The following GRIP2 variants were observed in gnomAD, a reference collection of about 807,000 sequenced individuals.
GRIP2 encodes the protein glutamate receptor-interacting protein 2.
A neutral mutation model predicts 108.3 loss-of-function variants in GRIP2; 58 were observed. The observed-to-expected ratio is 0.54, with a 90% CI of 0.43 to 0.67. GRIP2 has a LOEUF of 0.67. Among genes scored for constraint, GRIP2 ranks in the 30% least tolerant of loss-of-function variants. The pLI, the probability that GRIP2 is intolerant of heterozygous loss-of-function variation, is 0.00. For synonymous variants in GRIP2, 586 were observed against 598.2 expected (o/e 0.98, Z 0.30); for missense variants, 1,278 against 1,430.6 (o/e 0.89, Z 1.72).
chr3:14,566,360 A>G, the GRIP2 span, among the ~76,000 whole-genome samples: 1 of 152,242 alleles, frequency 6.6e-6, no homozygotes. Context: ...GACAGCCCAC[A>G]AGGGCACACA....
At chr3:14,538,485 T>C (rs1376798622) in intron 1 of GRIP2, among the ~76,000 whole-genome samples, 1 of 152,206 alleles carries the variant, frequency 6.6e-6, no homozygotes, top group Non-Finnish European at 1.5e-5. Context: ...TGAAGCTCAC[T>C]AAAGTGAAGC....
chr3:14,576,918 T>C, the GRIP2 span, among the ~76,000 whole-genome samples: 2 of 152,382 alleles, frequency 1.3e-5, no homozygotes, highest in East Asian at 3.9e-4. Flanking sequence ...TCTCAAGCTT[T>C]TCCACTTTCA....
chr3:14,539,639 G>C (rs1323605299), intron 1 of GRIP2, among the ~76,000 whole-genome samples: 1 of 152,186 alleles, frequency 6.6e-6, no homozygotes, highest in Non-Finnish European at 1.5e-5. Context: ...GAGGAATAGG[G>C]TGAGCCCAGG....
chr3:14,493,680 A>G lies in GRIP2; in HGVS notation c.3117T>C (p.Ser1039=). 1 of 1,603,980 alleles carries G rather than the reference A, an allele frequency of 6.2e-7. No homozygotes were observed. The highest frequency in any genetic ancestry group is 8.5e-7 in the Non-Finnish European group (1 of 1,175,662). ...SRAPRSPGPS[S]PRML ...CATGCTGACTTCAGAGCATCCGGGG[A>G]CTGCTGGGGCCTGGCGATCGGGGGG... The change falls in exon 24 of 24, where the codon AGT becomes AGC. Residue 1039 remains serine, a synonymous_variant. Transcript: ENST00000621039.
upstream of GRIP2, among the ~76,000 whole-genome samples, chr3:14,545,339 G>C (rs1358452881): frequency 6.6e-6 from 1 of 152,252 alleles, no homozygotes; most frequent in Admixed American, 6.5e-5. Context: ...TTGAACCCAG[G>C]CCTGCCTGAC....
At position 14,521,905 on chromosome 3, in the gene GRIP2, G is replaced by T; in HGVS notation, c.567-118C>A. On this transcript the variant is annotated intron_variant, in intron 6 of 23. Transcript: ENST00000621039. This position sits in a 1 kb window ranked among gnomAD's most constrained non-coding sequence, Gnocchi z 5.1. ...AAGAAGCAGGGAATGGGTGGGGGAG[G>T]AAGGGGAGGAGGGGACGGGTGAAGG... 4.9e-6 allele frequency: 4 copies of T among 809,834 alleles called. No homozygotes were observed. The highest frequency in any genetic ancestry group is 3.3e-5 in the Admixed American group (1 of 29,884). 50.2% of individuals were successfully genotyped at this position (809,834 alleles called of 1,614,324 possible).
the GRIP2 span, among the ~76,000 whole-genome samples, chr3:14,585,088 G>A: frequency 1.3e-5 from 2 of 152,150 alleles, no homozygotes; most frequent in Admixed American, 6.5e-5. Context: ...GCAGTGGCAC[G>A]ATCTCAGCTC....
chr3:14,510,024 C>T (rs1694040486), intron 16 of GRIP2, 60 bp from the exon 17 acceptor site: 23 of 1,339,298 alleles, frequency 1.7e-5, no homozygotes, highest in Non-Finnish European at 2.2e-5. Flanking sequence ...CTTCCTAAAG[C>T]CTTGGCCTCA....
chr3:14,559,687 C>T (rs2124989658), upstream of GRIP2, among the ~76,000 whole-genome samples: 1 of 141,712 alleles, frequency 7.1e-6, no homozygotes, highest in African/African-American at 2.5e-5. Context: ...CCAGAAGATC[C>T]AGGTCCCACT....
In GRIP2 at chr3:14,532,784, C is replaced by A. The variant is rs139740499; in HGVS notation, c.41-6853G>T. Among the ~76,000 whole-genome samples, 26 of 151,676 alleles carry A rather than the reference C, an allele frequency of 1.7e-4. No homozygotes were observed. In the East Asian group the frequency reaches 3.7e-3, roughly 22 times the overall value. On this transcript the variant is annotated intron_variant, in intron 1 of 23. Coordinates refer to ENST00000621039, the MANE Select transcript of GRIP2 (RefSeq NM_001080423.4). Reference sequence around the variant, plus strand: ...GGTGGGGCTCAACCTGGTTCCGGGCCGGATCCTGTAGAGTTGAGGGCGGGG... The same window carrying A: ...GGTGGGGCTCAACCTGGTTCCGGGCAGGATCCTGTAGAGTTGAGGGCGGGG...
the GRIP2 span, among the ~76,000 whole-genome samples, chr3:14,599,600 TC>T: frequency 6.6e-6 from 1 of 151,446 alleles, no homozygotes; most frequent in Non-Finnish European, 1.5e-5. Context: ...AAAGGGGTCC[TC>T]TGGAAGCATT....
chr3:14,514,463 C>T lies in GRIP2; in HGVS notation c.1322G>A (p.Ser441Asn), dbSNP rs1294388302. The T allele has an allele frequency of 6.4e-7, 1 of 1,574,554 alleles. No individual in the cohort carries two copies. Among genetic ancestry groups the T allele is most frequent in the Non-Finnish European group, 8.6e-7 (1 of 1,161,400 alleles). Residue 441 changes from serine to asparagine, a missense_variant, in exon 12 of 24, where the codon AGC (serine) becomes AAC (asparagine). Transcript: ENST00000621039. ...EHKSSLSLASSTVGPGGQIVH... is the reference protein window; with the variant it reads ...EHKSSLSLASNTVGPGGQIVH... ...AATCTGCCCGCCCGGCCCCACCGTG[C>T]TGGAGGCTAGCGACACTGTAGGACA...
intron 4 of GRIP2, chr3:14,524,070 T>C: frequency 4.0e-6 from 2 of 503,876 alleles, no homozygotes; most frequent in Non-Finnish European, 3.6e-6. Context: ...CGTTACTTAG[T>C]GCAGGGCAGT....
chr3:14,580,626 G>A, the GRIP2 span, among the ~76,000 whole-genome samples: 1 of 152,192 alleles, frequency 6.6e-6, no homozygotes, highest in South Asian at 2.1e-4. Context: ...CCAGTAGTTT[G>A]AGGCTGCAGT....
At chr3:14,520,328 G>C in intron 8 of GRIP2, 49 bp from the exon 9 acceptor site, 3 of 1,610,968 alleles carry the variant, frequency 1.9e-6, no homozygotes, top group South Asian at 2.2e-5. Flanking sequence ...GCCAGACAAA[G>C]CTCTGGGCCG....
chr3:14,573,313 T>A, the GRIP2 span: 1 of 1,416,014 alleles, frequency 7.1e-7, no homozygotes. Context: ...AGGTTGCCAG[T>A]GACACCACTC....
Position 14,493,657 on chromosome 3 carries a change from T to C in GRIP2, c.*8A>G, listed in dbSNP as rs768451044. 6.3e-7 allele frequency: 1 copy of C among 1,591,802 alleles called. No individual in the cohort carries two copies. The highest frequency in any genetic ancestry group is 1.7e-5 in the Admixed American group (1 of 57,704). ...TGGCCCCTTAGGAGTTCGGCCCACA[T>C]GCTGACTTCAGAGCATCCGGGGACT... On this transcript the variant is annotated 3_prime_UTR_variant, in exon 24 of 24. Coordinates refer to ENST00000621039, the MANE Select transcript of GRIP2 (RefSeq NM_001080423.4).
chr3:14,562,454 T>A, the GRIP2 span, among the ~76,000 whole-genome samples: 1 of 152,034 alleles, frequency 6.6e-6, no homozygotes, highest in Non-Finnish European at 1.5e-5. Context: ...AAGAAAAAAA[T>A]AAAATCTGGC....
chr3:14,596,185 G>A, the GRIP2 span, among the ~76,000 whole-genome samples: 1 of 152,228 alleles, frequency 6.6e-6, no homozygotes, highest in Non-Finnish European at 1.5e-5. Context: ...AGCTGCCTGA[G>A]AAAGGCTCTG....
Sources: allele counts gnomAD v4.1 joint callset (sites outside exome capture counted in the v4.1 genomes callset), GRCh38; gene constraint gnomAD v4.1.1; non-coding constraint Gnocchi (gnomAD v3.1); transcripts MANE v1.5; gene names NCBI Gene and HGNC (gene_info 2026-07-23, HGNC 2026-07-21).